Variants in HMGA2 observed in about 807,000 individuals in gnomAD.
HMGA2 encodes high mobility group AT-hook 2.
A neutral mutation model predicts 19.1 loss-of-function variants in HMGA2; 8 were observed. That is an observed-to-expected ratio of 0.42 (90% CI 0.25 to 0.76). The LOEUF (loss-of-function observed/expected upper bound fraction) is 0.76. Ranked by LOEUF, HMGA2 falls within the 30% of genes least tolerant of loss-of-function variation. The probability of loss-of-function intolerance (pLI) is 0.28; values close to 1 mark genes in which losing one functional copy is unlikely to be tolerated. For missense variants in HMGA2, 109 were observed against 136.3 expected (o/e 0.80, Z 1.00); for synonymous variants, 60 against 48.8 (o/e 1.23, Z -0.96).
At chr12:65,871,409 A>G (rs1235409267) in intron 3 of HMGA2, among the ~76,000 whole-genome samples, 3 of 152,082 alleles carry the variant, frequency 2.0e-5, no homozygotes, top group Non-Finnish European at 4.4e-5. Context: ...CTCCTGCTCT[A>G]TTGTGTCTTT....
chr12:65,901,831 T>A (rs185178028), intron 3 of HMGA2, among the ~76,000 whole-genome samples: 131 of 152,164 alleles, frequency 8.6e-4, no homozygotes, highest in African/African-American at 3.2e-3. Flanking sequence ...TATTTTTAGA[T>A]CCTTGTTATT....
chr12:65,848,831 C>T (rs149991550), intron 3 of HMGA2, among the ~76,000 whole-genome samples: 2,661 of 152,136 alleles, frequency 0.017, 46 homozygotes, highest in South Asian at 0.04. Flanking sequence ...AGTCCGCAGT[C>T]CGACCTGGGC....
intron 3 of HMGA2, chr12:65,915,124 T>C: frequency 1.2e-6 from 2 of 1,613,492 alleles, no homozygotes; most frequent in Non-Finnish European, 1.7e-6. Flanking sequence ...CCAAAAGGAG[T>C]CACTGAATTG....
intron 3 of HMGA2, among the ~76,000 whole-genome samples, chr12:65,950,279 T>C (rs1876414300): frequency 6.6e-6 from 1 of 152,228 alleles, no homozygotes; most frequent in Admixed American, 6.5e-5. Context: ...TTATTCATAA[T>C]AGCCAAAGGG....
chr12:65,828,269 G>A (rs1870309476), intron 2 of HMGA2, 182 bp downstream of exon 2: 8 of 533,412 alleles, frequency 1.5e-5, no homozygotes, highest in South Asian at 1.1e-4. Context: ...CAGATGCTCA[G>A]CATAAAAAGT....
chr12:65,851,870 T>G (rs1439148177), intron 3 of HMGA2, among the ~76,000 whole-genome samples: 2 of 152,208 alleles, frequency 1.3e-5, no homozygotes, highest in Non-Finnish European at 2.9e-5. Context: ...GCATTCTGAC[T>G]TAATGAATTT....
At chr12:65,908,963 C>T (rs1333496885) in intron 3 of HMGA2, among the ~76,000 whole-genome samples, 1 of 152,140 alleles carries the variant, frequency 6.6e-6, no homozygotes, top group Non-Finnish European at 1.5e-5. Context: ...TGAACACATC[C>T]GCTGGCAGAA....
intron 3 of HMGA2, among the ~76,000 whole-genome samples, chr12:65,840,956 A>G (rs1023997238): frequency 6.6e-6 from 1 of 152,090 alleles, no homozygotes; most frequent in Non-Finnish European, 1.5e-5. Context: ...TCACCTCCAT[A>G]GGTTAGAGTC....
At chr12:65,838,448 G>A in intron 2 of HMGA2, 71 bp from the exon 3 acceptor site, 1 of 1,096,952 alleles carries the variant, frequency 9.1e-7, no homozygotes, top group Non-Finnish European at 1.4e-6. Context: ...TACTTCAAAT[G>A]TGTCCCTTGG....
At chr12:65,880,894 G>A (rs1302963483) in intron 3 of HMGA2, among the ~76,000 whole-genome samples, 5 of 152,138 alleles carry the variant, frequency 3.3e-5, no homozygotes, top group Admixed American at 6.5e-5. Context: ...CTTAGCATGG[G>A]TTGAAAGATA....
Position 65,963,296 on chromosome 12 carries a change from G to A in HMGA2, c.*4G>A, listed in dbSNP as rs374602952. Reference sequence around the variant, plus strand: ...AGAGTCTGCCGAAGAGGACTAGGGGGCGCCAACGTTCGATTTCTACCTCAG... The same window carrying A: ...AGAGTCTGCCGAAGAGGACTAGGGGACGCCAACGTTCGATTTCTACCTCAG... On this transcript the variant is annotated 3_prime_UTR_variant, in exon 5 of 5. Coordinates refer to ENST00000403681, the MANE Select transcript of HMGA2 (RefSeq NM_003483.6). 4.7e-5 allele frequency: 76 copies of A among 1,613,236 alleles called. No individual in the cohort carries two copies. Among genetic ancestry groups the A allele is most frequent in the Non-Finnish European group, 6.4e-5 (75 of 1,179,742 alleles).
At chr12:65,885,994 G>A (rs1397171571) in intron 3 of HMGA2, among the ~76,000 whole-genome samples, 1 of 152,076 alleles carries the variant, frequency 6.6e-6, no homozygotes, top group African/African-American at 2.4e-5. Flanking sequence ...AATAACTTTA[G>A]GTATCCTTAG....
intron 4 of HMGA2, chr12:65,957,658 C>T (rs1475016862): frequency 6.6e-6 from 1 of 152,050 alleles, no homozygotes; most frequent in African/African-American, 2.4e-5. Context: ...TAGTTTATAC[C>T]TAAAATGATT....
intron 3 of HMGA2, among the ~76,000 whole-genome samples, chr12:65,888,442 G>A (rs1873752282): frequency 6.6e-6 from 1 of 150,890 alleles, no homozygotes; most frequent in Non-Finnish European, 1.5e-5. Flanking sequence ...GCGGCAGAGT[G>A]AGACTCAGTC....
At chr12:65,912,870 G>A (rs1874905150) in intron 3 of HMGA2, among the ~76,000 whole-genome samples, 1 of 152,258 alleles carries the variant, frequency 6.6e-6, no homozygotes, top group Middle Eastern at 3.4e-3. Context: ...TCTAAAATGA[G>A]AACGTTATTC....
intron 4 of HMGA2, 49 bp downstream of exon 4, chr12:65,951,464 A>C: frequency 8.5e-7 from 1 of 1,173,760 alleles, no homozygotes; most frequent in Non-Finnish European, 1.2e-6. Context: ...TAAAAAGTGA[A>C]ATATGTACTG....
intron 3 of HMGA2, chr12:65,858,862 T>C (rs1385522860): frequency 6.6e-6 from 1 of 152,234 alleles, no homozygotes; most frequent in Non-Finnish European, 1.5e-5. Context: ...ACTGGACTGT[T>C]GCATTATTTT....
intron 3 of HMGA2, among the ~76,000 whole-genome samples, chr12:65,913,789 C>A (rs1205059882): frequency 6.6e-6 from 1 of 152,122 alleles, no homozygotes; most frequent in African/African-American, 2.4e-5. Context: ...CTCTCAGGGT[C>A]CCCATCACAG....
intron 3 of HMGA2, among the ~76,000 whole-genome samples, chr12:65,895,732 A>C (rs1006893949): frequency 6.6e-6 from 1 of 151,848 alleles, no homozygotes; most frequent in Non-Finnish European, 1.5e-5. Flanking sequence ...TGTCCTACAT[A>C]GTCTGCCTAG....
Sources: allele counts gnomAD v4.1 joint callset (sites outside exome capture counted in the v4.1 genomes callset), GRCh38; gene constraint gnomAD v4.1.1; transcripts MANE v1.5; gene names NCBI Gene and HGNC (gene_info 2026-07-23, HGNC 2026-07-21).